IQCB1: variants seen among roughly 807,000 people sequenced by gnomAD.
IQCB1 encodes IQ calmodulin-binding motif-containing protein 1.
A neutral mutation model predicts 84.4 loss-of-function variants in IQCB1; 56 were observed. The ratio of observed to expected loss-of-function variants is 0.66; its 90% CI spans 0.54 to 0.83. The LOEUF is 0.83. Ranked by LOEUF, IQCB1 falls within the 40% of genes least tolerant of loss-of-function variation. IQCB1 has a pLI of 0.00. For synonymous variants in IQCB1, 210 were observed against 234.8 expected (o/e 0.89, Z 0.96); for missense variants, 629 against 682.1 (o/e 0.92, Z 0.87).
intron 14 of IQCB1, 46 bp downstream of exon 14, chr3:121,772,511 G>A (rs758758317): frequency 1.3e-5 from 20 of 1,599,742 alleles, no homozygotes; most frequent in South Asian, 8.8e-5. Flanking sequence ...CACAAACCTC[G>A]CATAGGTTGT....
intron 13 of IQCB1, among the ~76,000 whole-genome samples, chr3:121,777,065 A>G (rs1287391805): frequency 1.3e-5 from 2 of 152,164 alleles, no homozygotes; most frequent in African/African-American, 4.8e-5. Flanking sequence ...AAAGGTCACA[A>G]TATTTCTCCA....
chr3:121,820,600 C>G (rs1197301796), intron 5 of IQCB1, among the ~76,000 whole-genome samples: 1 of 152,178 alleles, frequency 6.6e-6, no homozygotes, highest in African/African-American at 2.4e-5. Context: ...CTTGAAAATG[C>G]AACTAACTTC....
At chr3:121,782,307 A>G (rs1426547169) in intron 12 of IQCB1, among the ~76,000 whole-genome samples, 1 of 152,252 alleles carries the variant, frequency 6.6e-6, no homozygotes, top group Non-Finnish European at 1.5e-5. Flanking sequence ...GTCCTTCAGA[A>G]TGGACTCTGG....
intron 5 of IQCB1, among the ~76,000 whole-genome samples, chr3:121,818,646 T>C (rs1289267829): frequency 6.6e-6 from 1 of 152,188 alleles, no homozygotes; most frequent in Non-Finnish European, 1.5e-5. Flanking sequence ...AAGAGACTGA[T>C]TGATAATTGA....
intron 2 of IQCB1, among the ~76,000 whole-genome samples, chr3:121,831,605 A>G (rs1231474753): frequency 6.6e-6 from 1 of 152,126 alleles, no homozygotes; most frequent in Admixed American, 6.6e-5. Flanking sequence ...ATCTGACCCT[A>G]TCTCCAAGTA....
At chr3:121,833,023 G>C (rs1455920063) in intron 2 of IQCB1, among the ~76,000 whole-genome samples, 1 of 152,082 alleles carries the variant, frequency 6.6e-6, no homozygotes, top group Non-Finnish European at 1.5e-5. Context: ...GTCTATTCTT[G>C]AGCTAGTACA....
rs527411803 is a variant in IQCB1, at chr3:121,772,782, A to G, written c.1411-69T>C. On this transcript the variant is annotated intron_variant, in intron 13 of 14. Transcript: ENST00000310864. ...GTATCAAAGTACCCAACCACTTAGCAGAGGTTTTAGACTGCTTAGCTGTCT... is the reference window on the plus strand; with the variant it reads ...GTATCAAAGTACCCAACCACTTAGCGGAGGTTTTAGACTGCTTAGCTGTCT... 6.9e-4 allele frequency: 984 copies of G among 1,423,170 alleles called. 6 individuals are homozygous for G. In the African/African-American group the frequency reaches 0.012, roughly 18 times the overall value. 88.2% of individuals were successfully genotyped at this position (1,423,170 alleles called of 1,614,324 possible). A position where few individuals can be genotyped will look rare whatever the true frequency, so the allele number is the denominator to read the frequency against.
At chr3:121,815,797 T>C (rs900959168) in intron 5 of IQCB1, among the ~76,000 whole-genome samples, 1 of 151,936 alleles carries the variant, frequency 6.6e-6, no homozygotes, top group East Asian at 1.9e-4. Flanking sequence ...TGCTTATGGA[T>C]AGAAAGAATC....
chr3:121,827,290 T>C (rs1176636459), intron 4 of IQCB1, among the ~76,000 whole-genome samples: 2 of 152,082 alleles, frequency 1.3e-5, no homozygotes, highest in Non-Finnish European at 2.9e-5. Context: ...CCTAAGTGGA[T>C]AATATTTACA....
chr3:121,806,064 C>T (rs1470138025), intron 7 of IQCB1, among the ~76,000 whole-genome samples: 1 of 152,054 alleles, frequency 6.6e-6, no homozygotes, highest in Non-Finnish European at 1.5e-5. Flanking sequence ...CTGACTGATA[C>T]CCAGTTTCTC....
chr3:121,827,052 A>C (rs1036035876), intron 4 of IQCB1, among the ~76,000 whole-genome samples: 2 of 152,110 alleles, frequency 1.3e-5, no homozygotes, highest in African/African-American at 4.8e-5. Flanking sequence ...GGGGTGGTAC[A>C]TATACACCAT....
At position 121,788,322 on chromosome 3, in the gene IQCB1, G is replaced by C. The variant is rs1948818458; in HGVS notation, c.1240C>G (p.Leu414Val). The C allele has an allele frequency of 3.1e-6, 5 of 1,613,916 alleles. No individual in the cohort carries two copies. Among genetic ancestry groups the C allele is most frequent in the Middle Eastern group, 1.7e-4 (1 of 6,058 alleles). Residue 414 changes from leucine to valine, a missense_variant, in exon 12 of 15, where the codon CTC becomes GTC. Transcript: ENST00000310864. ...RKNFHQQRQS[L>V]IEYKAAVTLQ... ...GTGACAGCTGCTTTATACTCTATGAGAGACTGCCTCTGTTGGTGAAAATTT... is the reference window on the plus strand; with the variant it reads ...GTGACAGCTGCTTTATACTCTATGACAGACTGCCTCTGTTGGTGAAAATTT...
intron 2 of IQCB1, chr3:121,833,916 T>A (rs545528584): frequency 6.6e-6 from 1 of 152,284 alleles, no homozygotes; most frequent in East Asian, 1.9e-4. Flanking sequence ...TTGTTCTAAT[T>A]GCTTTCATGT....
Position 121,781,593 on chromosome 3 carries a change from T to C in IQCB1, c.1410+150A>G, listed in dbSNP as rs757053779. ...AGAAAAAGATATACCATTACTTCTA[T>C]GGTAAAGCCAATGCATTACCTTATA... On this transcript the variant is annotated intron_variant, in intron 13 of 14. Transcript: ENST00000310864. 84 of 753,932 alleles carry C rather than the reference T, an allele frequency of 1.1e-4. No individual in the cohort carries two copies. The Middle Eastern group carries it at 1.7e-3, about 15-fold the overall frequency. The allele number at this position is 753,932 out of a possible 1,614,324, so 46.7% of individuals were successfully genotyped here.
chr3:121,807,383 G>A lies in IQCB1; in HGVS notation c.548C>T (p.Ala183Val). 6.3e-7 allele frequency: 1 copy of A among 1,582,292 alleles called. No homozygotes were observed. The highest frequency in any genetic ancestry group is 1.3e-5 in the African/African-American group (1 of 74,276). Residue 183 changes from alanine to valine, a missense_variant, in exon 7 of 15, where the codon GCA becomes GTA. Ala to Val is a moderately conservative substitution (Grantham distance 64). Transcript: ENST00000310864. ...TATATTCTGTAGCATCATCATGACTGCAGATCCTATTTGGACATTGTCAGC... is the reference window on the plus strand; with the variant it reads ...TATATTCTGTAGCATCATCATGACTACAGATCCTATTTGGACATTGTCAGC... ...LQADNVQIGSAVMMMLQNILQ... is the reference protein window; with the variant it reads ...LQADNVQIGSVVMMMLQNILQ...
intron 2 of IQCB1, among the ~76,000 whole-genome samples, chr3:121,832,200 C>G (rs1950664974): frequency 6.6e-6 from 1 of 151,986 alleles, no homozygotes. Context: ...ATCGGTTTGT[C>G]TTATTCTTTT....
At chr3:121,816,089 A>C (rs1374835514) in intron 5 of IQCB1, among the ~76,000 whole-genome samples, 2 of 152,196 alleles carry the variant, frequency 1.3e-5, no homozygotes, top group Non-Finnish European at 2.9e-5. Flanking sequence ...CCAATGGAAC[A>C]GAACAGAGGC....
At chr3:121,818,436 T>C (rs1950153824) in intron 5 of IQCB1, among the ~76,000 whole-genome samples, 2 of 152,340 alleles carry the variant, frequency 1.3e-5, no homozygotes, top group South Asian at 4.1e-4. Context: ...ATTCCCCATA[T>C]GGAGCTAAGA....
At chr3:121,810,197 G>A (rs111811709) in intron 5 of IQCB1, among the ~76,000 whole-genome samples, 4 of 152,126 alleles carry the variant, frequency 2.6e-5, no homozygotes, top group Admixed American at 6.5e-5. Flanking sequence ...CCTTTAAATC[G>A]AAATTCTCAC....
Sources: gnomAD v4.1 joint callset for allele counts (sites outside exome capture counted in the v4.1 genomes callset) on GRCh38, gnomAD v4.1.1 for gene constraint, MANE v1.5 for transcripts, NCBI Gene and HGNC (gene_info 2026-07-23, HGNC 2026-07-21) for gene names.